NKAIN2: variants seen among roughly 807,000 people sequenced by gnomAD.
The protein encoded by NKAIN2 is sodium/potassium-transporting ATPase subunit beta-1-interacting protein 2.
In NKAIN2, 14 loss-of-function variants were observed where a neutral mutation model predicts 32.6. That is an observed-to-expected ratio of 0.43 (90% confidence interval 0.28 to 0.67). The LOEUF is 0.67. Ranked by LOEUF, NKAIN2 falls within the 30% of genes least tolerant of loss-of-function variation. NKAIN2 has a pLI of 0.17. For missense variants in NKAIN2, 198 were observed against 258.3 expected (o/e 0.77, Z 1.60); for synonymous variants, 80 against 87.2 (o/e 0.92, Z 0.46).
At chr6:124,004,287 C>T (rs989979539) in intron 1 of NKAIN2, among the ~76,000 whole-genome samples, 14 of 152,028 alleles carry the variant, frequency 9.2e-5, no homozygotes, top group African/African-American at 3.4e-4. Context: ...TCCTTTCATT[C>T]AAAAATATTT....
At chr6:124,542,712 T>A (rs1779954834) in intron 3 of NKAIN2, among the ~76,000 whole-genome samples, 1 of 152,188 alleles carries the variant, frequency 6.6e-6, no homozygotes, top group South Asian at 2.1e-4. Flanking sequence ...TAAAGGCTCT[T>A]TACAGACCCA....
intron 3 of NKAIN2, among the ~76,000 whole-genome samples, chr6:124,515,888 CCTT>C (rs1410804643): frequency 6.6e-6 from 1 of 152,072 alleles, no homozygotes; most frequent in African/African-American, 2.4e-5. Context: ...CTGATAACCT[CCTT>C]CTACCATCAA....
chr6:124,126,555 T>C (rs1207533162), intron 1 of NKAIN2, among the ~76,000 whole-genome samples: 1 of 148,820 alleles, frequency 6.7e-6, no homozygotes, highest in Admixed American at 6.8e-5. Flanking sequence ...CTCTTCCAAA[T>C]GTCAATGAGA....
intron 1 of NKAIN2, among the ~76,000 whole-genome samples, chr6:124,022,542 C>A (rs1293588453): frequency 6.6e-6 from 1 of 152,084 alleles, no homozygotes; most frequent in African/African-American, 2.4e-5. Flanking sequence ...TTCTCTTTGC[C>A]TAGGTGGATA....
chr6:124,788,585 G>A (rs1365431264), intron 4 of NKAIN2, among the ~76,000 whole-genome samples: 1 of 152,110 alleles, frequency 6.6e-6, no homozygotes, highest in East Asian at 1.9e-4. Context: ...GGAGAAGAAT[G>A]AGAACAAAGG....
intron 1 of NKAIN2, among the ~76,000 whole-genome samples, chr6:123,912,882 AT>A (rs67034184): frequency 0.41 from 62,215 of 151,650 alleles, 13,035 homozygotes; most frequent in Middle Eastern, 0.51. Flanking sequence ...ATCATTGCAA[AT>A]TCTATTAAAG....
chr6:123,947,110 C>T (rs1441109642), intron 1 of NKAIN2, among the ~76,000 whole-genome samples: 1 of 152,174 alleles, frequency 6.6e-6, no homozygotes, highest in Non-Finnish European at 1.5e-5. Flanking sequence ...CTGTGGGAAC[C>T]ACAGTGCCTT....
chr6:123,828,631 A>G (rs2114906979), intron 1 of NKAIN2, among the ~76,000 whole-genome samples: 1 of 152,148 alleles, frequency 6.6e-6, no homozygotes, highest in Non-Finnish European at 1.5e-5. Flanking sequence ...TATACAGCCT[A>G]TATGATCTGA....
intron 3 of NKAIN2, among the ~76,000 whole-genome samples, chr6:124,378,685 G>A (rs754234912): frequency 1.3e-5 from 2 of 152,066 alleles, no homozygotes; most frequent in Non-Finnish European, 2.9e-5. Context: ...TTGTCACTGC[G>A]CTTCCTCCAC....
chr6:124,760,349 GC>G (rs2114733310), intron 4 of NKAIN2, among the ~76,000 whole-genome samples: 1 of 88,288 alleles, frequency 1.1e-5, no homozygotes, highest in South Asian at 3.7e-4. Context: ...AGCAATGCCC[GC>G]CCCCCGCCCC....
At chr6:124,744,266 G>A (rs1031187188) in intron 4 of NKAIN2, among the ~76,000 whole-genome samples, 13 of 151,786 alleles carry the variant, frequency 8.6e-5, no homozygotes, top group Admixed American at 5.9e-4. Flanking sequence ...CTGGAGAAAC[G>A]TGGACAATAT....
At chr6:123,932,581 T>G (rs1386042369) in intron 1 of NKAIN2, among the ~76,000 whole-genome samples, 12 of 151,906 alleles carry the variant, frequency 7.9e-5, no homozygotes, top group Admixed American at 2.0e-4. Flanking sequence ...CCTGCCCGGC[T>G]AATTTTTTCT....
intron 3 of NKAIN2, among the ~76,000 whole-genome samples, chr6:124,576,657 A>C (rs1289522828): frequency 6.6e-6 from 1 of 151,726 alleles, no homozygotes; most frequent in East Asian, 1.9e-4. Flanking sequence ...TGGCAAAACA[A>C]TTATGCCAGA....
chr6:123,973,336 G>T (rs1254533642), intron 1 of NKAIN2, among the ~76,000 whole-genome samples: 1 of 152,126 alleles, frequency 6.6e-6, no homozygotes. Flanking sequence ...ACTAGGGTAG[G>T]ATTTGGAGCT....
At chr6:124,160,032 A>G (rs1470377390) in intron 1 of NKAIN2, among the ~76,000 whole-genome samples, 2 of 152,176 alleles carry the variant, frequency 1.3e-5, no homozygotes, top group Non-Finnish European at 2.9e-5. Context: ...TATTCTGAGT[A>G]AAGCAATGCC....
chr6:124,405,001 T>G (rs1478763040), intron 3 of NKAIN2, among the ~76,000 whole-genome samples: 2 of 152,128 alleles, frequency 1.3e-5, no homozygotes, highest in Non-Finnish European at 2.9e-5. Context: ...TGGCCCACAT[T>G]AGAGAAGCAA....
At chr6:124,272,967 T>C (rs1468182982) in intron 1 of NKAIN2, among the ~76,000 whole-genome samples, 3 of 152,242 alleles carry the variant, frequency 2.0e-5, no homozygotes, top group Admixed American at 6.5e-5. Flanking sequence ...ACCCAATGCC[T>C]GTTCCCCCAC....
chr6:124,117,653 A>G (rs958433736), intron 1 of NKAIN2, among the ~76,000 whole-genome samples: 3 of 152,054 alleles, frequency 2.0e-5, no homozygotes, highest in Non-Finnish European at 4.4e-5. Flanking sequence ...AAAGTATAAT[A>G]ATAATAATAA....
chr6:124,414,020 TG>T (rs1214008707), intron 3 of NKAIN2, among the ~76,000 whole-genome samples: 3 of 135,412 alleles, frequency 2.2e-5, no homozygotes, highest in Non-Finnish European at 3.2e-5. Context: ...TTTGTTCGTT[TG>T]TTTTTTTTTT....
Sources: gnomAD v4.1 joint callset for allele counts (sites outside exome capture counted in the v4.1 genomes callset) on GRCh38, gnomAD v4.1.1 for gene constraint, MANE v1.5 for transcripts, NCBI Gene and HGNC (gene_info 2026-07-23, HGNC 2026-07-21) for gene names.